OSBPL3: variants seen among roughly 807,000 people sequenced by gnomAD.
OSBPL3 encodes oxysterol binding protein like 3, also known as oxysterol-binding protein-related protein 3.
Under a neutral mutation model 120.1 loss-of-function variants are expected in OSBPL3, and 65 were observed. The observed-to-expected ratio is 0.54, with a 90% CI of 0.44 to 0.67. The LOEUF (loss-of-function observed/expected upper bound fraction) is 0.67, where lower values mean the gene tolerates loss of function less well. Ranked by LOEUF, OSBPL3 falls within the 30% of genes least tolerant of loss-of-function variation. The probability of loss-of-function intolerance (pLI) is 0.00; values close to 1 mark genes in which losing one functional copy is unlikely to be tolerated. For synonymous variants in OSBPL3, 416 were observed against 402.6 expected (o/e 1.03, Z -0.40); for missense variants, 1,004 against 1,082.1 (o/e 0.93, Z 1.01).
chr7:24,816,010 A>T (rs977487448), intron 18 of OSBPL3, among the ~76,000 whole-genome samples: 1 of 152,176 alleles, frequency 6.6e-6, no homozygotes, highest in Non-Finnish European at 1.5e-5. Context: ...AAAGCAGCAT[A>T]ATAAAGGAAA....
In OSBPL3 at chr7:24,832,971, T is replaced by C. The variant is rs551962929; in HGVS notation, c.1746+1515A>G. Among the ~76,000 whole-genome samples, 46 of 152,202 alleles carry C rather than the reference T, an allele frequency of 3.0e-4. No individual in the cohort carries two copies. The South Asian group carries it at 8.5e-3, about 28-fold the overall frequency. ...ATCAATCAGCTGAATATCCTAAGGG[T>C]CTCTAAATTGCCACAGCATGAAACA... On this transcript the variant is annotated intron_variant, in intron 15 of 22. Transcript: ENST00000313367.
At chr7:24,928,889 C>T (rs1811433745) in intron 1 of OSBPL3, among the ~76,000 whole-genome samples, 2 of 152,128 alleles carry the variant, frequency 1.3e-5, no homozygotes, top group Admixed American at 6.5e-5. Context: ...TGTATAAATG[C>T]ACCACAATTT....
Position 24,798,175 on chromosome 7 carries a change from G to A in OSBPL3, c.*2008C>T, listed in dbSNP as rs1230639642. Reference sequence around the variant, plus strand: ...CCTGGGACTCTAAAATAAAGCATAAGGGCAAGTGAAATAACATTAGGATAA... The same window carrying A: ...CCTGGGACTCTAAAATAAAGCATAAAGGCAAGTGAAATAACATTAGGATAA... On this transcript the variant is annotated 3_prime_UTR_variant, in exon 23 of 23. Transcript: ENST00000313367. The surrounding 1 kb of genome is among the most constrained non-coding windows in gnomAD (Gnocchi z 4.6). 1.3e-5 allele frequency: 2 copies of A among 152,170 alleles called. No homozygotes were observed. Among genetic ancestry groups the A allele is most frequent in the Non-Finnish European group, 2.9e-5 (2 of 68,028 alleles). 9.4% of individuals were successfully genotyped at this position (152,170 alleles called of 1,614,324 possible).
intron 1 of OSBPL3, among the ~76,000 whole-genome samples, chr7:24,973,977 GTTAGTT>G (rs1485876715): frequency 6.6e-6 from 1 of 152,092 alleles, no homozygotes; most frequent in Admixed American, 6.6e-5. Context: ...AAGAAAACAA[GTTAGTT>G]TTAATTACAC....
intron 1 of OSBPL3, among the ~76,000 whole-genome samples, chr7:24,926,783 C>T (rs955269753): frequency 9.2e-5 from 14 of 152,336 alleles, no homozygotes; most frequent in Admixed American, 8.5e-4. Context: ...TGCTTCTCTC[C>T]TACCTGAACT....
At position 24,806,071 on chromosome 7, in the gene OSBPL3, C is replaced by T. The variant is rs1792995433; in HGVS notation, c.2444+705G>A. On this transcript the variant is annotated intron_variant, in intron 21 of 22. Coordinates refer to ENST00000313367, the MANE Select transcript of OSBPL3 (RefSeq NM_015550.4). The surrounding 1 kb of genome is among the most constrained non-coding windows in gnomAD (Gnocchi z 5.2). ...TCTTGGGTTCAAGCAATTCTCGTGC[C>T]TCAGCCTCCCAAGTAGTTGGGACTA... Among the ~76,000 whole-genome samples, 1 of 152,194 alleles carries T rather than the reference C, an allele frequency of 6.6e-6. No individual in the cohort carries two copies. Among genetic ancestry groups the T allele is most frequent in the Non-Finnish European group, 1.5e-5 (1 of 68,038 alleles).
rs1358586889 is a variant in OSBPL3, at chr7:24,900,697, G to A, written c.-149-8076C>T. Among the ~76,000 whole-genome samples the A allele has an allele frequency of 6.6e-6, 1 of 152,192 alleles. No homozygotes were observed. Among genetic ancestry groups the A allele is most frequent in the Non-Finnish European group, 1.5e-5 (1 of 68,034 alleles). ...AGACAGAGTTGGCTGGCCAGGCGTG[G>A]TGGCTCATGCCTGTAATCCCAGCAC... On this transcript the variant is annotated intron_variant, in intron 1 of 22. Coordinates refer to ENST00000313367, the MANE Select transcript of OSBPL3 (RefSeq NM_015550.4). The surrounding 1 kb of genome is among the most constrained non-coding windows in gnomAD (Gnocchi z 4.5).
Position 24,852,803 on chromosome 7 carries a change from T to C in OSBPL3, c.1028-169A>G, listed in dbSNP as rs1242890272. On this transcript the variant is annotated intron_variant, in intron 10 of 22. Transcript: ENST00000313367. The surrounding 1 kb of genome is among the most constrained non-coding windows in gnomAD (Gnocchi z 4.1). ...ACTTTTAAAAAACACATTTGCCATG[T>C]AGAACACGCTAATGTAAACTAAGGC... Among the ~76,000 whole-genome samples, 2 of 152,212 alleles carry C rather than the reference T, an allele frequency of 1.3e-5. No individual in the cohort carries two copies. Among genetic ancestry groups the C allele is most frequent in the African/African-American group, 2.4e-5 (1 of 41,454 alleles).
intron 2 of OSBPL3, among the ~76,000 whole-genome samples, chr7:24,886,770 A>G (rs756080959): frequency 1.3e-5 from 2 of 152,232 alleles, no homozygotes; most frequent in Non-Finnish European, 2.9e-5. Context: ...CAAGGTTCCA[A>G]ACCAGAACAT....
chr7:24,839,146 C>G (rs1025276215), intron 14 of OSBPL3, among the ~76,000 whole-genome samples: 11 of 152,152 alleles, frequency 7.2e-5, no homozygotes, highest in African/African-American at 2.7e-4. Context: ...CAAAAAGGTG[C>G]CTGGCATGGT....
Position 24,828,610 on chromosome 7 carries a change from AAAAAAAAAAAAG to A in OSBPL3, c.1884+2146_1884+2157del, listed in dbSNP as rs1324602548. On this transcript the variant is annotated intron_variant, in intron 16 of 22. Transcript: ENST00000313367. ...CGACAAAGTGAGACTCTGTCTGAAA[AAAAAAAAAAAAG>A]AAAAAAAAAAAAAAGGCATCGTAGA... Among the ~76,000 whole-genome samples, 45 of 124,314 alleles carry A rather than the reference AAAAAAAAAAAAG, an allele frequency of 3.6e-4. 1 individual carries two copies. Among genetic ancestry groups the A allele is most frequent in the African/African-American group, 1.6e-3 (37 of 23,746 alleles). The allele number at this position is 124,314 out of a possible 152,430, so 81.6% of individuals were successfully genotyped here.
At chr7:24,875,795 A>G (rs1802761264) in intron 2 of OSBPL3, among the ~76,000 whole-genome samples, 1 of 151,244 alleles carries the variant, frequency 6.6e-6, no homozygotes, top group South Asian at 2.1e-4. Flanking sequence ...TATATATACA[A>G]ATTTATAGGA....
At chr7:24,876,325 C>G (rs558245975) in intron 2 of OSBPL3, among the ~76,000 whole-genome samples, 31 of 152,196 alleles carry the variant, frequency 2.0e-4, no homozygotes, top group African/African-American at 7.5e-4. Flanking sequence ...CATGAAATTT[C>G]TAAATTATCC....
At chr7:24,887,478 A>G (rs1035079430) in intron 2 of OSBPL3, among the ~76,000 whole-genome samples, 1 of 152,238 alleles carries the variant, frequency 6.6e-6, no homozygotes, top group African/African-American at 2.4e-5. Flanking sequence ...AAATTTACAG[A>G]GGACTTTTCT....
At chr7:24,847,810 C>T (rs1211225952) in intron 12 of OSBPL3, among the ~76,000 whole-genome samples, 2 of 152,146 alleles carry the variant, frequency 1.3e-5, no homozygotes, top group Admixed American at 1.3e-4. Flanking sequence ...CTGTTTTTAG[C>T]CAATGTGCAG....
rs192561121 is a variant in OSBPL3 at position 24,888,654 on chromosome 7, C to T, written c.96+3723G>A. Among the ~76,000 whole-genome samples the T allele has an allele frequency of 2.2e-3, 340 of 152,310 alleles. 1 individual carries two copies. Among genetic ancestry groups the T allele is most frequent in the African/African-American group, 8.0e-3 (332 of 41,566 alleles). Reference sequence around the variant, plus strand: ...GATGTAAAAATGAAAACACCTAGGTCTCAATCATTTTCTCCTTCAAGGAAG... The same window carrying T: ...GATGTAAAAATGAAAACACCTAGGTTTCAATCATTTTCTCCTTCAAGGAAG... On this transcript the variant is annotated intron_variant, in intron 2 of 22. Transcript: ENST00000313367.
chr7:24,930,419 G>A lies in OSBPL3; in HGVS notation c.-149-37798C>T, dbSNP rs1285729920. On this transcript the variant is annotated intron_variant, in intron 1 of 22. Coordinates refer to ENST00000313367, the MANE Select transcript of OSBPL3 (RefSeq NM_015550.4). The surrounding 1 kb of genome is among the most constrained non-coding windows in gnomAD (Gnocchi z 4.4). ...ACTTAACAAAGGTTTCCCATCTCTT[G>A]TTCTAAAGATATCTCAAAATATGCC... Among the ~76,000 whole-genome samples the A allele has an allele frequency of 1.3e-5, 2 of 151,646 alleles. No individual in the cohort carries two copies. Among genetic ancestry groups the A allele is most frequent in the African/African-American group, 4.9e-5 (2 of 41,208 alleles).
chr7:24,870,915 C>T (rs1802018780), intron 4 of OSBPL3, 70 bp from the exon 5 acceptor site: 6 of 905,654 alleles, frequency 6.6e-6, no homozygotes, highest in Non-Finnish European at 1.1e-5. Context: ...CCTGACACAC[C>T]CTTCCACATC....
At chr7:24,950,068 T>C (rs1814209124) in intron 1 of OSBPL3, among the ~76,000 whole-genome samples, 1 of 152,220 alleles carries the variant, frequency 6.6e-6, no homozygotes, top group Admixed American at 6.5e-5. Context: ...TATAAATGAT[T>C]AGATTCATAA....
Sources: allele counts gnomAD v4.1 joint callset (sites outside exome capture counted in the v4.1 genomes callset), GRCh38; gene constraint gnomAD v4.1.1; non-coding constraint Gnocchi (gnomAD v3.1); transcripts MANE v1.5; gene names NCBI Gene and HGNC (gene_info 2026-07-23, HGNC 2026-07-21).